Variants in OXR1 observed in about 807,000 individuals in gnomAD.
OXR1 encodes oxidation resistance protein 1.
Under a neutral mutation model 104.6 loss-of-function variants are expected in OXR1, and 41 were observed. The ratio of observed to expected loss-of-function variants is 0.39; its 90% CI spans 0.31 to 0.51. OXR1 has a LOEUF of 0.51. Ranked by LOEUF, OXR1 falls within the 20% of genes least tolerant of loss-of-function variation. OXR1 has a pLI of 0.77. For missense variants in OXR1, 955 were observed against 1,031.9 expected (o/e 0.93, Z 1.02); for synonymous variants, 348 against 348.4 (o/e 1.00, Z 0.01).
intron 2 of OXR1, among the ~76,000 whole-genome samples, chr8:106,409,126 T>A (rs1818362081): frequency 6.6e-6 from 1 of 152,116 alleles, no homozygotes; most frequent in African/African-American, 2.4e-5. Flanking sequence ...GTTTGTGTCC[T>A]TTACCTATAG....
At chr8:106,415,585 GA>G (rs541472425) in intron 2 of OXR1, among the ~76,000 whole-genome samples, 90 of 132,766 alleles carry the variant, frequency 6.8e-4, no homozygotes, top group African/African-American at 2.8e-3. Flanking sequence ...GAGAGAGAGA[GA>G]CAGAGAGACA....
chr8:106,299,918 TCA>T (rs912230818), intron 1 of OXR1, among the ~76,000 whole-genome samples: 28 of 152,330 alleles, frequency 1.8e-4, no homozygotes, highest in African/African-American at 6.7e-4. Context: ...GTAGAAAATT[TCA>T]CAGAGTGCTT....
intron 1 of OXR1, among the ~76,000 whole-genome samples, chr8:106,271,279 G>A (rs1008776057): frequency 1.5e-5 from 2 of 133,302 alleles, no homozygotes; most frequent in Non-Finnish European, 3.0e-5. Context: ...ACCTCGGCTC[G>A]CTGTAGGCGA....
intron 3 of OXR1, among the ~76,000 whole-genome samples, chr8:106,596,744 T>A (rs12114920): frequency 0.026 from 3,908 of 152,100 alleles, 168 homozygotes; most frequent in African/African-American, 0.09. Flanking sequence ...TAGTATACGT[T>A]AAATGGTAAA....
At chr8:106,701,051 A>G (rs1472087594) in intron 7 of OXR1, among the ~76,000 whole-genome samples, 2 of 152,154 alleles carry the variant, frequency 1.3e-5, no homozygotes, top group African/African-American at 4.8e-5. Context: ...AATGTTCTCT[A>G]CAATGTACTT....
At chr8:106,296,898 A>T (rs1458587013) in intron 1 of OXR1, among the ~76,000 whole-genome samples, 1 of 152,154 alleles carries the variant, frequency 6.6e-6, no homozygotes, top group Non-Finnish European at 1.5e-5. Context: ...TTTGAACTGA[A>T]TTGGTAACAG....
At chr8:106,413,286 G>A (rs1369986265) in intron 2 of OXR1, among the ~76,000 whole-genome samples, 3 of 152,000 alleles carry the variant, frequency 2.0e-5, no homozygotes, top group Admixed American at 6.6e-5. Flanking sequence ...GTGTATTCAA[G>A]CACATATAGG....
At chr8:106,745,906 T>C in intron 16 of OXR1, 44 bp downstream of exon 16, 1 of 1,000,570 alleles carries the variant, frequency 1.0e-6, no homozygotes, top group Non-Finnish European at 1.6e-6. Context: ...TGAAGAACTT[T>C]AAAAATGCAT....
intron 3 of OXR1, among the ~76,000 whole-genome samples, chr8:106,625,804 A>G (rs1439389075): frequency 6.6e-6 from 1 of 152,186 alleles, no homozygotes; most frequent in Non-Finnish European, 1.5e-5. Flanking sequence ...ATAGCACTTA[A>G]AAATTCAAAG....
intron 1 of OXR1, among the ~76,000 whole-genome samples, chr8:106,343,185 C>A (rs1191888127): frequency 6.6e-6 from 1 of 152,216 alleles, no homozygotes; most frequent in African/African-American, 2.4e-5. Context: ...TCAGCCCATT[C>A]TTCCCAATGC....
At chr8:106,533,152 CCTGA>C (rs1814216652) in intron 3 of OXR1, among the ~76,000 whole-genome samples, 1 of 152,134 alleles carries the variant, frequency 6.6e-6, no homozygotes, top group African/African-American at 2.4e-5. Flanking sequence ...CTTGGCTGCC[CCTGA>C]CTATTTCTGG....
chr8:106,619,220 G>A (rs920594865), intron 3 of OXR1, among the ~76,000 whole-genome samples: 9 of 152,130 alleles, frequency 5.9e-5, no homozygotes, highest in African/African-American at 1.9e-4. Flanking sequence ...TAATGATGTT[G>A]CAGGACATTA....
chr8:106,360,800 G>A (rs1379089834), intron 2 of OXR1, among the ~76,000 whole-genome samples: 1 of 152,142 alleles, frequency 6.6e-6, no homozygotes, highest in Non-Finnish European at 1.5e-5. Context: ...GCTCCTGGGA[G>A]ACCTTGACAC....
chr8:106,404,899 G>T (rs1482255854), intron 2 of OXR1, among the ~76,000 whole-genome samples: 2 of 151,852 alleles, frequency 1.3e-5, no homozygotes, highest in Admixed American at 6.6e-5. Context: ...TAGAGACGGG[G>T]TTTCACCACG....
intron 1 of OXR1, among the ~76,000 whole-genome samples, chr8:106,341,980 A>G (rs1352576573): frequency 1.3e-5 from 2 of 151,156 alleles, no homozygotes; most frequent in African/African-American, 4.9e-5. Flanking sequence ...GGCTCAAGCA[A>G]TCTTCCTGCC....
At chr8:106,390,264 G>A (rs1236987637) in intron 2 of OXR1, among the ~76,000 whole-genome samples, 1 of 152,080 alleles carries the variant, frequency 6.6e-6, no homozygotes, top group Admixed American at 6.6e-5. Context: ...TTGAATGTCT[G>A]CTTTGTGCCA....
At chr8:106,377,325 G>T (rs1283163466) in intron 2 of OXR1, among the ~76,000 whole-genome samples, 2 of 151,746 alleles carry the variant, frequency 1.3e-5, no homozygotes, top group African/African-American at 2.4e-5. Flanking sequence ...TGGGACTACA[G>T]CATGCACCAC....
At chr8:106,450,168 A>G (rs182860807) in intron 2 of OXR1, among the ~76,000 whole-genome samples, 1 of 152,358 alleles carries the variant, frequency 6.6e-6, no homozygotes, top group African/African-American at 2.4e-5. Flanking sequence ...CCTGACAGAA[A>G]GAGTGAAATG....
intron 1 of OXR1, among the ~76,000 whole-genome samples, chr8:106,327,455 G>A (rs918392553): frequency 7.2e-5 from 11 of 152,124 alleles, no homozygotes; most frequent in Admixed American, 2.0e-4. Flanking sequence ...TTGGGAGTAC[G>A]ACAGACACCA....
Sources: gnomAD v4.1 joint callset for allele counts (sites outside exome capture counted in the v4.1 genomes callset) on GRCh38, gnomAD v4.1.1 for gene constraint, MANE v1.5 for transcripts, NCBI Gene and HGNC (gene_info 2026-07-23, HGNC 2026-07-21) for gene names.